The following DLGAP2 variants were observed in gnomAD, a reference collection of about 807,000 sequenced individuals.
The protein encoded by DLGAP2 is DLG associated protein 2.
A neutral mutation model predicts 100.3 loss-of-function variants in DLGAP2; 26 were observed. The observed-to-expected ratio is 0.26, with a 90% CI of 0.19 to 0.36. DLGAP2 has a LOEUF of 0.36. DLGAP2 is among the 10% of genes least tolerant of loss of function. The pLI is 1.00. For synonymous variants in DLGAP2, 886 were observed against 630.1 expected (o/e 1.41, Z -6.08); for missense variants, 1,858 against 1,453.2 (o/e 1.28, Z -4.53).
intron 1 of DLGAP2, among the ~76,000 whole-genome samples, chr8:821,913 T>C (rs1796590519): frequency 6.6e-6 from 1 of 152,172 alleles, no homozygotes; most frequent in Non-Finnish European, 1.5e-5. Context: ...CTACAAACAG[T>C]TGGTGGTGAT....
intron 1 of DLGAP2, among the ~76,000 whole-genome samples, chr8:888,090 C>G (rs941509837): frequency 6.6e-6 from 1 of 151,976 alleles, no homozygotes; most frequent in Non-Finnish European, 1.5e-5. Flanking sequence ...ATTCTTTTTT[C>G]TCTATTGCCT....
chr8:1,068,125 C>T (rs1462518129), intron 2 of DLGAP2, among the ~76,000 whole-genome samples: 1 of 152,178 alleles, frequency 6.6e-6, no homozygotes, highest in Non-Finnish European at 1.5e-5. Flanking sequence ...CGTGTCTTTT[C>T]CTGGCTTAGC....
chr8:1,045,231 T>C (rs1022857998), intron 2 of DLGAP2, among the ~76,000 whole-genome samples: 1 of 152,214 alleles, frequency 6.6e-6, no homozygotes, highest in Non-Finnish European at 1.5e-5. Flanking sequence ...CTTCCCTGTT[T>C]ATGAAAGCGG....
intron 2 of DLGAP2, among the ~76,000 whole-genome samples, chr8:1,227,943 G>T (rs1278097025): frequency 6.6e-6 from 1 of 152,154 alleles, no homozygotes; most frequent in Non-Finnish European, 1.5e-5. Flanking sequence ...TATGTGAGAT[G>T]ATGGATATGT....
intron 2 of DLGAP2, among the ~76,000 whole-genome samples, chr8:966,465 T>C (rs1454497129): frequency 6.6e-6 from 1 of 152,270 alleles, no homozygotes; most frequent in African/African-American, 2.4e-5. Context: ...TCTTTTTCTG[T>C]AGTTGAGTTA....
intron 2 of DLGAP2, among the ~76,000 whole-genome samples, chr8:1,244,438 A>C (rs1210012020): frequency 2.0e-5 from 3 of 152,372 alleles, no homozygotes; most frequent in South Asian, 2.1e-4. Context: ...ATGAGGTTAA[A>C]GTGTTGTAAA....
chr8:885,981 G>A (rs1797914188), intron 1 of DLGAP2, among the ~76,000 whole-genome samples: 1 of 152,184 alleles, frequency 6.6e-6, no homozygotes, highest in Non-Finnish European at 1.5e-5. Flanking sequence ...AATGGTACCA[G>A]TGCCTGTTTG....
At chr8:1,343,121 G>T (rs1013228121) in intron 3 of DLGAP2, among the ~76,000 whole-genome samples, 7 of 152,200 alleles carry the variant, frequency 4.6e-5, no homozygotes. Context: ...TATTCACCAA[G>T]CGTGCAGAAG....
At chr8:805,160 A>G (rs377209831) in intron 1 of DLGAP2, among the ~76,000 whole-genome samples, 69 of 152,218 alleles carry the variant, frequency 4.5e-4, no homozygotes, top group African/African-American at 1.6e-3. Flanking sequence ...TTGTTTGGGT[A>G]GAGTTTTTCT....
intron 3 of DLGAP2, among the ~76,000 whole-genome samples, chr8:1,441,683 CAAAA>C (rs35789497): frequency 1.3e-5 from 1 of 74,576 alleles, no homozygotes. Context: ...GACTCCATCT[CAAAA>C]AAAAAAAAAA....
chr8:1,517,889 C>G (rs114064630), intron 4 of DLGAP2, among the ~76,000 whole-genome samples: 42 of 152,262 alleles, frequency 2.8e-4, no homozygotes, highest in Non-Finnish European at 5.4e-4. Context: ...GACTGGGGAG[C>G]CTTGCACAAA....
chr8:834,679 GA>G (rs1304725663), intron 1 of DLGAP2, among the ~76,000 whole-genome samples: 6 of 152,106 alleles, frequency 3.9e-5, no homozygotes, highest in African/African-American at 1.4e-4. Context: ...TGTTGTTAGG[GA>G]GGAGGGGGTC....
At chr8:893,297 G>A (rs868077421) in intron 1 of DLGAP2, among the ~76,000 whole-genome samples, 4 of 152,156 alleles carry the variant, frequency 2.6e-5, no homozygotes, top group East Asian at 1.9e-4. Context: ...CAGAATGTCC[G>A]ACAGCTAGGA....
intron 8 of DLGAP2, among the ~76,000 whole-genome samples, chr8:1,661,156 T>TA (rs1298385920): frequency 6.6e-6 from 1 of 152,198 alleles, no homozygotes; most frequent in Non-Finnish European, 1.5e-5. Context: ...TTCAAAGCCT[T>TA]TCAAGCTGGT....
chr8:1,222,283 C>G (rs1041910833), intron 2 of DLGAP2, among the ~76,000 whole-genome samples: 3 of 152,084 alleles, frequency 2.0e-5, no homozygotes, highest in African/African-American at 2.4e-5. Flanking sequence ...GATGCCCTTG[C>G]GAGTTTGACT....
At chr8:1,173,725 C>T (rs548845805) in intron 2 of DLGAP2, among the ~76,000 whole-genome samples, 37 of 152,268 alleles carry the variant, frequency 2.4e-4, no homozygotes, top group Non-Finnish European at 4.9e-4. Context: ...TTTTTTAAGC[C>T]CATCGGAAAA....
intron 2 of DLGAP2, among the ~76,000 whole-genome samples, chr8:1,229,635 A>G (rs971624290): frequency 3.3e-5 from 5 of 152,190 alleles, no homozygotes; most frequent in Admixed American, 1.3e-4. Flanking sequence ...ACAAAATACT[A>G]ATAAAACCAA....
chr8:1,433,492 G>A (rs983556240), intron 3 of DLGAP2, among the ~76,000 whole-genome samples: 4 of 152,234 alleles, frequency 2.6e-5, no homozygotes, highest in African/African-American at 9.6e-5. Flanking sequence ...CTGCTGTGGT[G>A]TGCAAGTGTA....
intron 2 of DLGAP2, among the ~76,000 whole-genome samples, chr8:1,257,072 A>C (rs1799239175): frequency 6.6e-6 from 1 of 151,960 alleles, no homozygotes; most frequent in South Asian, 2.1e-4. Context: ...GCGCCCGTGA[A>C]GGCAGGTGCA....
Sources: allele counts gnomAD v4.1 joint callset (sites outside exome capture counted in the v4.1 genomes callset), GRCh38; gene constraint gnomAD v4.1.1; transcripts MANE v1.5; gene names NCBI Gene and HGNC (gene_info 2026-07-23, HGNC 2026-07-21).